PDE1C: variants seen among roughly 807,000 people sequenced by gnomAD.
The protein encoded by PDE1C is dual specificity calcium/calmodulin-dependent 3',5'-cyclic nucleotide phosphodiesterase 1C.
In PDE1C, 62 loss-of-function variants were observed where a neutral mutation model predicts 93.1. That is an observed-to-expected ratio of 0.67 (90% CI 0.54 to 0.82). The LOEUF (loss-of-function observed/expected upper bound fraction) is 0.82, where lower values mean the gene tolerates loss of function less well. Among genes scored for constraint, PDE1C ranks in the 40% least tolerant of loss-of-function variants. The pLI is 0.00. For missense variants in PDE1C, 742 were observed against 884.6 expected (o/e 0.84, Z 2.04); for synonymous variants, 325 against 310.1 (o/e 1.05, Z -0.50).
At chr7:31,973,621 A>C (rs1811259046) in intron 2 of PDE1C, among the ~76,000 whole-genome samples, 1 of 152,234 alleles carries the variant, frequency 6.6e-6, no homozygotes, top group Non-Finnish European at 1.5e-5. Flanking sequence ...TTCTTAAAAA[A>C]TTCCTATGAA....
intron 2 of PDE1C, among the ~76,000 whole-genome samples, chr7:31,924,783 AGAGG>A (rs1477394312): frequency 6.6e-6 from 1 of 152,174 alleles, no homozygotes; most frequent in African/African-American, 2.4e-5. Flanking sequence ...CATTTTTCCC[AGAGG>A]GAAAACTGAT....
At chr7:32,224,035 G>T (rs142985853) in intron 1 of PDE1C, among the ~76,000 whole-genome samples, 1 of 152,134 alleles carries the variant, frequency 6.6e-6, no homozygotes, top group African/African-American at 2.4e-5. Flanking sequence ...CTCTCTGCAG[G>T]CTCCTATCCC....
chr7:32,322,289 T>G (rs71530587), intron 1 of PDE1C, among the ~76,000 whole-genome samples: 11,168 of 152,078 alleles, frequency 0.073, 494 homozygotes, highest in East Asian at 0.13. Context: ...TTCAAAAAGC[T>G]CATAATTGAA....
At chr7:32,280,245 T>C (rs566190433) in intron 1 of PDE1C, among the ~76,000 whole-genome samples, 1 of 152,274 alleles carries the variant, frequency 6.6e-6, no homozygotes, top group Non-Finnish European at 1.5e-5. Flanking sequence ...TAATTTTATA[T>C]TGGAAAGCAG....
At chr7:32,011,413 C>T (rs529526114) in intron 2 of PDE1C, among the ~76,000 whole-genome samples, 12 of 152,130 alleles carry the variant, frequency 7.9e-5, no homozygotes, top group East Asian at 1.9e-4. Flanking sequence ...AGGATGGTCT[C>T]GATCTCCTGA....
At chr7:32,029,744 G>T (rs117651935) in intron 2 of PDE1C, among the ~76,000 whole-genome samples, 1 of 152,182 alleles carries the variant, frequency 6.6e-6, no homozygotes, top group Non-Finnish European at 1.5e-5. Flanking sequence ...TGTAAATGTT[G>T]TAAAAGGGAT....
At chr7:31,686,309 G>A in the PDE1C span, among the ~76,000 whole-genome samples, 1 of 152,104 alleles carries the variant, frequency 6.6e-6, no homozygotes, top group South Asian at 2.1e-4. Flanking sequence ...CTCCTCCAGT[G>A]AGCAGACCCA....
intron 2 of PDE1C, among the ~76,000 whole-genome samples, chr7:32,023,769 G>A (rs7803028): frequency 0.14 from 21,880 of 151,962 alleles, 2,188 homozygotes; most frequent in East Asian, 0.32. Flanking sequence ...TGGAGGAGAG[G>A]GGATGGGTGT....
intron 3 of PDE1C, among the ~76,000 whole-genome samples, chr7:32,108,230 C>CAAAAAAAAAAAAAAAAAAAAAAAAAAAA (rs71559210): frequency 1.3e-5 from 1 of 77,058 alleles, no homozygotes; most frequent in Non-Finnish European, 2.5e-5. Flanking sequence ...AAAAGCAAGA[C>CAAAAAAAAAAAAAAAAAAAAAAAAAAAA]AAAAAAAAAA....
chr7:31,777,048 C>G (rs73314988), intron 16 of PDE1C, among the ~76,000 whole-genome samples: 10,436 of 150,418 alleles, frequency 0.069, 919 homozygotes, highest in African/African-American at 0.19. Context: ...GTTAAATGAC[C>G]AGTTAATGGG....
At chr7:32,234,197 G>T (rs1043786589) in intron 1 of PDE1C, among the ~76,000 whole-genome samples, 2 of 151,842 alleles carry the variant, frequency 1.3e-5, no homozygotes, top group Non-Finnish European at 2.9e-5. Context: ...TAGGAAAAAA[G>T]AGTTATTAAA....
chr7:31,819,645 G>A (rs969781715), intron 14 of PDE1C, among the ~76,000 whole-genome samples: 2 of 152,004 alleles, frequency 1.3e-5, no homozygotes, highest in African/African-American at 4.8e-5. Flanking sequence ...CAGAGCCCTC[G>A]AGATCCATAA....
At chr7:31,698,003 T>C in the PDE1C span, among the ~76,000 whole-genome samples, 2 of 152,152 alleles carry the variant, frequency 1.3e-5, no homozygotes, top group African/African-American at 4.8e-5. Flanking sequence ...AATGAACAGA[T>C]AAAATTATGA....
At chr7:31,805,102 C>T (rs1246174873) in intron 16 of PDE1C, among the ~76,000 whole-genome samples, 1 of 151,684 alleles carries the variant, frequency 6.6e-6, no homozygotes, top group Non-Finnish European at 1.5e-5. Context: ...TCTTGTCTGC[C>T]ACCACGTAAG....
At chr7:31,742,859 C>A in the PDE1C span, among the ~76,000 whole-genome samples, 233 of 152,206 alleles carry the variant, frequency 1.5e-3, 2 homozygotes, top group Non-Finnish European at 2.4e-3. Context: ...CTATTCTGTC[C>A]CCAGTGTGGT....
At chr7:31,883,808 A>G (rs578051066) in intron 2 of PDE1C, among the ~76,000 whole-genome samples, 5 of 152,344 alleles carry the variant, frequency 3.3e-5, no homozygotes, top group Admixed American at 3.3e-4. Flanking sequence ...CGGCTCCATC[A>G]GGGAGACCCA....
Position 32,305,626 on chromosome 7 carries a change from T to G in PDE1C, c.311-96087A>C, listed in dbSNP as rs374364806. On this transcript the variant is annotated intron_variant, in intron 1 of 1. Coordinates refer to the PDE1C transcript ENST00000672256. ...GGAGCCAGACAAAGCTTCTACACAC[T>G]TGTCAAGCCAGGCTAGCCTTTACCA... 1.2e-3 allele frequency among the ~76,000 whole-genome samples: 185 copies of G among 152,338 alleles called. 3 individuals carry two copies. Among genetic ancestry groups the G allele is most frequent in the African/African-American group, 4.3e-3 (180 of 41,578 alleles).
chr7:32,234,432 G>A (rs1436139681), intron 1 of PDE1C, among the ~76,000 whole-genome samples: 1 of 151,704 alleles, frequency 6.6e-6, no homozygotes, highest in African/African-American at 2.4e-5. Flanking sequence ...AAAAAAATAG[G>A]GGCTCAACAC....
intron 1 of PDE1C, among the ~76,000 whole-genome samples, chr7:32,229,268 T>C (rs1287578500): frequency 6.6e-6 from 1 of 152,218 alleles, no homozygotes; most frequent in African/African-American, 2.4e-5. Flanking sequence ...TCCAAAGAAG[T>C]TAATTTGCCC....
Sources: allele counts gnomAD v4.1 joint callset (sites outside exome capture counted in the v4.1 genomes callset), GRCh38; gene constraint gnomAD v4.1.1; transcripts MANE v1.5; gene names NCBI Gene and HGNC (gene_info 2026-07-23, HGNC 2026-07-21).